The following ELOVL6 variants were observed in gnomAD, a reference collection of about 807,000 sequenced individuals.
ELOVL6 encodes ELOVL fatty acid elongase 6, also known as very long chain fatty acid elongase 6.
ELOVL6 carries 8 observed loss-of-function variants against 31.7 expected under a neutral mutation model. The ratio of observed to expected loss-of-function variants is 0.25; its 90% confidence interval spans 0.15 to 0.45. The LOEUF is 0.45. ELOVL6 is among the 20% of genes least tolerant of loss of function. The pLI is 1.00. For synonymous variants in ELOVL6, 101 were observed against 117.7 expected, an observed-to-expected ratio of 0.86 and a Z score of 0.92; for missense variants, 126 against 326.4, an observed-to-expected ratio of 0.39 and a Z score of 4.73.
At chr4:110,189,551 G>A (rs1433461309) in intron 1 of ELOVL6, among the ~76,000 whole-genome samples, 1 of 122,070 alleles carries the variant, frequency 8.2e-6, no homozygotes, top group East Asian at 2.6e-4. Context: ...CCAAGATCAT[G>A]CCACTGCACT....
intron 2 of ELOVL6, among the ~76,000 whole-genome samples, chr4:110,061,400 C>T (rs1198521962): frequency 6.6e-6 from 1 of 152,064 alleles, no homozygotes; most frequent in Admixed American, 6.6e-5. Context: ...AATGTCTCCT[C>T]CCCGTGGAAT....
intron 1 of ELOVL6, among the ~76,000 whole-genome samples, chr4:110,195,360 TCCAC>T (rs1041573088): frequency 4.6e-5 from 7 of 151,968 alleles, no homozygotes; most frequent in African/African-American, 7.3e-5. Context: ...CGTCAGGTAA[TCCAC>T]CCACCTCAGC....
intron 2 of ELOVL6, among the ~76,000 whole-genome samples, chr4:110,077,643 A>G: frequency 6.6e-6 from 1 of 152,204 alleles, no homozygotes; most frequent in East Asian, 1.9e-4. Flanking sequence ...CGGGGAAAAA[A>G]CAGAGCAGAA....
At chr4:110,087,196 G>A (rs948849211) in intron 2 of ELOVL6, among the ~76,000 whole-genome samples, 1 of 151,998 alleles carries the variant, frequency 6.6e-6, no homozygotes, top group African/African-American at 2.4e-5. Flanking sequence ...AGCCTCCTCA[G>A]ACACCGCCCC....
chr4:110,117,482 C>T (rs1407290849), intron 1 of ELOVL6, among the ~76,000 whole-genome samples: 1 of 152,006 alleles, frequency 6.6e-6, no homozygotes, highest in Non-Finnish European at 1.5e-5. Flanking sequence ...AACAAAATAA[C>T]AACCAGTGAG....
chr4:110,189,210 C>T (rs550634716), intron 1 of ELOVL6, among the ~76,000 whole-genome samples: 96 of 151,988 alleles, frequency 6.3e-4, no homozygotes, highest in African/African-American at 2.1e-3. Context: ...GACCAAGAAG[C>T]GGAGTTTGAG....
intron 2 of ELOVL6, among the ~76,000 whole-genome samples, chr4:110,070,061 G>A (rs550193885): frequency 5.3e-5 from 8 of 152,248 alleles, no homozygotes; most frequent in Middle Eastern, 6.8e-3. Flanking sequence ...AACCTAAAGA[G>A]GTGTACTAAA....
intron 2 of ELOVL6, 111 bp downstream of exon 2, chr4:110,105,386 T>G: frequency 8.7e-7 from 1 of 1,146,622 alleles, no homozygotes; most frequent in Non-Finnish European, 1.2e-6. Flanking sequence ...TATGTCCTCA[T>G]CATATTCAAT....
chr4:110,113,444 G>A (rs72898602), intron 1 of ELOVL6, among the ~76,000 whole-genome samples: 5,911 of 152,064 alleles, frequency 0.039, 377 homozygotes, highest in African/African-American at 0.13. Flanking sequence ...TTAGTCTGCT[G>A]TAGTGGTGCA....
chr4:110,078,222 T>C (rs1217190058), intron 2 of ELOVL6, among the ~76,000 whole-genome samples: 1 of 152,136 alleles, frequency 6.6e-6, no homozygotes, highest in Non-Finnish European at 1.5e-5. Context: ...ACATTCATAT[T>C]CAGGAAATAC....
intron 3 of ELOVL6, among the ~76,000 whole-genome samples, chr4:110,052,647 G>T (rs1010581313): frequency 1.4e-4 from 22 of 152,184 alleles, no homozygotes; most frequent in African/African-American, 5.1e-4. Flanking sequence ...TAGATGCTAT[G>T]TATCTGCAAT....
intron 2 of ELOVL6, among the ~76,000 whole-genome samples, chr4:110,099,084 TG>T (rs1386233616): frequency 3.3e-5 from 5 of 152,202 alleles, no homozygotes; most frequent in Admixed American, 2.6e-4. Context: ...AGAACTGTCA[TG>T]TTTTTTTCAC....
At chr4:110,175,102 G>A (rs752072794) in intron 1 of ELOVL6, among the ~76,000 whole-genome samples, 7 of 151,758 alleles carry the variant, frequency 4.6e-5, no homozygotes, top group Non-Finnish European at 8.8e-5. Context: ...CATAAGTATC[G>A]GCCAGTCACA....
intron 1 of ELOVL6, among the ~76,000 whole-genome samples, chr4:110,143,062 A>G (rs1758008053): frequency 6.6e-6 from 1 of 152,210 alleles, no homozygotes; most frequent in Non-Finnish European, 1.5e-5. Context: ...TGTGGGCTGG[A>G]ACATAATACA....
At chr4:110,159,565 T>G (rs1758570666) in intron 1 of ELOVL6, among the ~76,000 whole-genome samples, 2 of 152,216 alleles carry the variant, frequency 1.3e-5, no homozygotes, top group Non-Finnish European at 2.9e-5. Context: ...CAGATTTTTA[T>G]GCATATTCAC....
intron 1 of ELOVL6, among the ~76,000 whole-genome samples, chr4:110,157,864 C>A (rs1758498920): frequency 6.6e-6 from 1 of 152,076 alleles, no homozygotes; most frequent in African/African-American, 2.4e-5. Context: ...TATTGACAAG[C>A]AAATTATTAA....
chr4:110,098,127 C>T (rs1042091755), intron 2 of ELOVL6, among the ~76,000 whole-genome samples: 2 of 152,014 alleles, frequency 1.3e-5, no homozygotes, highest in Non-Finnish European at 2.9e-5. Flanking sequence ...GAGTTGAACA[C>T]GGACAGAAAA....
chr4:110,175,999 T>G (rs916644162), intron 1 of ELOVL6, among the ~76,000 whole-genome samples: 1 of 151,610 alleles, frequency 6.6e-6, no homozygotes, highest in African/African-American at 2.4e-5. Flanking sequence ...ATTAGGAAGT[T>G]TGTATCTAGA....
At chr4:110,070,475 T>C (rs960732465) in intron 2 of ELOVL6, among the ~76,000 whole-genome samples, 2 of 152,182 alleles carry the variant, frequency 1.3e-5, no homozygotes, top group African/African-American at 4.8e-5. Context: ...ATTATCAAAT[T>C]ATTAGGACAG....
Sources: allele counts gnomAD v4.1 joint callset (sites outside exome capture counted in the v4.1 genomes callset), GRCh38; gene constraint gnomAD v4.1.1; transcripts MANE v1.5; gene names NCBI Gene and HGNC (gene_info 2026-07-23, HGNC 2026-07-21).